Variants in SEZ6L observed in about 807,000 individuals in gnomAD.
SEZ6L encodes the protein seizure related 6 homolog like.
A neutral mutation model predicts 106.2 loss-of-function variants in SEZ6L; 37 were observed. That is an observed-to-expected ratio of 0.35 (90% CI 0.27 to 0.46). The LOEUF (loss-of-function observed/expected upper bound fraction) is 0.46, where lower values mean the gene tolerates loss of function less well. Among genes scored for constraint, SEZ6L ranks in the 20% least tolerant of loss-of-function variants. The pLI, the probability that SEZ6L is intolerant of heterozygous loss-of-function variation, is 1.00. For synonymous variants in SEZ6L, 541 were observed against 570.4 expected (o/e 0.95, Z 0.73); for missense variants, 1,172 against 1,332.8 (o/e 0.88, Z 1.88).
At chr22:26,268,500 T>C (rs1217483301) in intron 1 of SEZ6L, among the ~76,000 whole-genome samples, 2 of 152,164 alleles carry the variant, frequency 1.3e-5, no homozygotes, top group Non-Finnish European at 2.9e-5. Flanking sequence ...CCCTCTTCAG[T>C]AGCCAGGGGG....
intron 1 of SEZ6L, among the ~76,000 whole-genome samples, chr22:26,226,795 A>C (rs1406531177): frequency 6.6e-6 from 1 of 152,210 alleles, no homozygotes; most frequent in Non-Finnish European, 1.5e-5. Flanking sequence ...ACATGCAGGA[A>C]AGATTTTGAA....
chr22:26,199,555 T>G (rs561224895), intron 1 of SEZ6L, among the ~76,000 whole-genome samples: 12 of 152,306 alleles, frequency 7.9e-5, no homozygotes, highest in Admixed American at 7.2e-4. Flanking sequence ...TGGGGAGAGA[T>G]TAATTTAATT....
intron 1 of SEZ6L, among the ~76,000 whole-genome samples, chr22:26,239,628 T>G (rs1314083234): frequency 6.6e-6 from 1 of 152,090 alleles, no homozygotes; most frequent in South Asian, 2.1e-4. Context: ...GACCCCTGAC[T>G]CCAACCCCAA....
rs772397747 is a variant in SEZ6L at position 26,365,602 on chromosome 22, G to GC, written c.2794+38dup. The GC allele has an allele frequency of 1.6e-3, 2,519 of 1,563,952 alleles. 5 individuals are homozygous for GC. The highest frequency in any genetic ancestry group is 9.3e-3 in the Middle Eastern group (44 of 4,718). ...CTACTCACCACACAGGGTCCACGGG[G>GC]CCTGGAGATGTCAGGCTCCTGGCTC... On this transcript the variant is annotated intron_variant, in intron 13 of 16. Transcript: ENST00000248933.
intron 1 of SEZ6L, among the ~76,000 whole-genome samples, chr22:26,198,680 C>T (rs554364973): frequency 1.3e-5 from 2 of 152,178 alleles, no homozygotes; most frequent in African/African-American, 2.4e-5. Flanking sequence ...ACACTGTGGC[C>T]TCACATAGCA....
intron 1 of SEZ6L, among the ~76,000 whole-genome samples, chr22:26,273,843 A>G (rs1263883795): frequency 6.6e-6 from 1 of 152,154 alleles, no homozygotes; most frequent in Admixed American, 6.5e-5. Flanking sequence ...AATAGAATAG[A>G]ATAGACTCTG....
intron 6 of SEZ6L, among the ~76,000 whole-genome samples, chr22:26,309,267 T>C (rs2145919179): frequency 6.6e-6 from 1 of 152,368 alleles, no homozygotes; most frequent in East Asian, 1.9e-4. Flanking sequence ...ATAGCTTTAA[T>C]AACAATAAAA....
chr22:26,351,046 G>A lies in SEZ6L; in HGVS notation c.2408-6G>A, dbSNP rs368335644. ...CGTCCTCTTGGTCTGGTTTCATCCCGTGTAGTTATGTACTGCACCGACCCC... is the reference window on the plus strand; with the variant it reads ...CGTCCTCTTGGTCTGGTTTCATCCCATGTAGTTATGTACTGCACCGACCCC... On this transcript the variant is annotated splice_polypyrimidine_tract_variant and splice_region_variant and intron_variant, in intron 11 of 16. Coordinates refer to ENST00000248933, the MANE Select transcript of SEZ6L (RefSeq NM_021115.5). 3.7e-5 allele frequency: 60 copies of A among 1,611,236 alleles called. No individual in the cohort carries two copies. The highest frequency in any genetic ancestry group is 1.1e-4 in the South Asian group (10 of 90,788).
intron 1 of SEZ6L, among the ~76,000 whole-genome samples, chr22:26,267,583 T>C (rs1311375934): frequency 6.6e-6 from 1 of 152,202 alleles, no homozygotes; most frequent in African/African-American, 2.4e-5. Context: ...TTGGGAAACA[T>C]AGCTTCAACC....
At position 26,207,910 on chromosome 22, in the gene SEZ6L, A is replaced by ATTTTTTTTTTTTT. The variant is rs134772; in HGVS notation, c.94+38152_94+38164dup. Reference sequence around the variant, plus strand: ...ATTTTTGCTTTAAATATTCATGTGTATTTTTTTTTTTTTTTTTGAGACGGA... The same window carrying ATTTTTTTTTTTTT: ...ATTTTTGCTTTAAATATTCATGTGTATTTTTTTTTTTTTTTTTTTTTTTTTTTTTTGAGACGGA... On this transcript the variant is annotated intron_variant, in intron 1 of 16. Coordinates refer to ENST00000248933, the MANE Select transcript of SEZ6L (RefSeq NM_021115.5). Among the ~76,000 whole-genome samples the ATTTTTTTTTTTTT allele has an allele frequency of 5.8e-5, 8 of 138,496 alleles. No individual in the cohort carries two copies. The South Asian group carries it at 1.2e-3, about 21-fold the overall frequency. The allele number at this position is 138,496 out of a possible 152,430, so 90.9% of individuals were successfully genotyped here. A position where few individuals can be genotyped will look rare whatever the true frequency, so the allele number is the denominator to read the frequency against.
intron 9 of SEZ6L, among the ~76,000 whole-genome samples, chr22:26,314,670 A>G (rs1016877668): frequency 2.6e-5 from 4 of 152,242 alleles, no homozygotes; most frequent in Non-Finnish European, 5.9e-5. Context: ...GGGGGTAACC[A>G]TTAGATTCTC....
At chr22:26,368,458 A>G (rs1340415065) in intron 13 of SEZ6L, among the ~76,000 whole-genome samples, 1 of 152,238 alleles carries the variant, frequency 6.6e-6, no homozygotes, top group African/African-American at 2.4e-5. Flanking sequence ...AACATGGATG[A>G]ACCTCAAAGC....
intron 1 of SEZ6L, among the ~76,000 whole-genome samples, chr22:26,237,066 T>C (rs1345200850): frequency 1.3e-5 from 2 of 152,090 alleles, no homozygotes; most frequent in African/African-American, 4.8e-5. Flanking sequence ...GGATGTTGAG[T>C]CACACAGGGA....
chr22:26,319,290 T>C (rs774930579), intron 9 of SEZ6L, among the ~76,000 whole-genome samples: 2 of 152,198 alleles, frequency 1.3e-5, no homozygotes, highest in Non-Finnish European at 2.9e-5. Context: ...CAACGGCCTT[T>C]GAGATATCCT....
At chr22:26,210,301 C>T (rs2078120753) in intron 1 of SEZ6L, among the ~76,000 whole-genome samples, 1 of 152,192 alleles carries the variant, frequency 6.6e-6, no homozygotes, top group South Asian at 2.1e-4. Context: ...GTGAACTAAT[C>T]AAAAGCCTTA....
At chr22:26,369,571 A>C (rs918931256) in intron 13 of SEZ6L, among the ~76,000 whole-genome samples, 61 of 151,526 alleles carry the variant, frequency 4.0e-4, no homozygotes, top group Admixed American at 3.4e-3. Context: ...CGATCTCCTG[A>C]CCTCGTGATT....
intron 9 of SEZ6L, among the ~76,000 whole-genome samples, chr22:26,325,865 T>G (rs2145954377): frequency 6.6e-6 from 1 of 152,190 alleles, no homozygotes; most frequent in African/African-American, 2.4e-5. Flanking sequence ...TGATGACGAT[T>G]AATCCCTTCC....
chr22:26,270,698 G>A (rs775273048), intron 1 of SEZ6L, among the ~76,000 whole-genome samples: 26 of 152,168 alleles, frequency 1.7e-4, no homozygotes, highest in Non-Finnish European at 3.7e-4. Flanking sequence ...CTCATCAAGA[G>A]GGGATCAGGT....
intron 9 of SEZ6L, among the ~76,000 whole-genome samples, chr22:26,324,802 A>G (rs1035964831): frequency 2.0e-5 from 3 of 152,236 alleles, no homozygotes; most frequent in African/African-American, 7.2e-5. Context: ...ACTGAGGCCC[A>G]GAGATGGGAA....
Sources: gnomAD v4.1 joint callset for allele counts (sites outside exome capture counted in the v4.1 genomes callset) on GRCh38, gnomAD v4.1.1 for gene constraint, MANE v1.5 for transcripts, NCBI Gene and HGNC (gene_info 2026-07-23, HGNC 2026-07-21) for gene names.